Variants in PPARGC1A observed in about 807,000 individuals in gnomAD.
The protein encoded by PPARGC1A is PPARG coactivator 1 alpha, also known as peroxisome proliferator-activated receptor gamma coactivator 1-alpha.
A neutral mutation model predicts 88.7 loss-of-function variants in PPARGC1A; 25 were observed. The ratio of observed to expected loss-of-function variants is 0.28; its 90% confidence interval spans 0.21 to 0.39. The LOEUF is 0.39. Ranked by LOEUF, PPARGC1A falls within the 10% of genes least tolerant of loss-of-function variation. The pLI, the probability that PPARGC1A is intolerant of heterozygous loss-of-function variation, is 1.00. For missense variants in PPARGC1A, 880 were observed against 968.7 expected, an observed-to-expected ratio of 0.91 and a Z score of 1.22; for synonymous variants, 363 against 355.6, an observed-to-expected ratio of 1.02 and a Z score of -0.24.
chr4:23,987,297 A>C, the PPARGC1A span, among the ~76,000 whole-genome samples: 3 of 152,042 alleles, frequency 2.0e-5, no homozygotes, highest in African/African-American at 7.2e-5. Flanking sequence ...GCAAAAGGTG[A>C]TTTCTTTGTA....
the PPARGC1A span, among the ~76,000 whole-genome samples, chr4:24,004,599 A>T: frequency 7.9e-5 from 12 of 152,344 alleles, no homozygotes; most frequent in Non-Finnish European, 1.8e-4. Context: ...ATTTCCAAGG[A>T]TGTTCAGATA....
the PPARGC1A span, among the ~76,000 whole-genome samples, chr4:23,993,831 C>T: frequency 9.4e-4 from 143 of 152,136 alleles, no homozygotes; most frequent in Non-Finnish European, 1.0e-3. Context: ...TTTTCCTAAA[C>T]AGCACAGTAA....
the PPARGC1A span, among the ~76,000 whole-genome samples, chr4:24,381,599 T>C: frequency 1.3e-5 from 2 of 152,226 alleles, no homozygotes; most frequent in African/African-American, 4.8e-5. Flanking sequence ...ACAAAGTGTT[T>C]TGCTAGCACA....
intron 10 of PPARGC1A, among the ~76,000 whole-genome samples, chr4:23,812,327 T>C (rs1416855075): frequency 2.0e-5 from 3 of 151,930 alleles, no homozygotes; most frequent in African/African-American, 7.3e-5. Context: ...ACAATTTAAG[T>C]CTCCTGCCGG....
the PPARGC1A span, among the ~76,000 whole-genome samples, chr4:24,010,745 A>G: frequency 1.3e-5 from 2 of 152,218 alleles, no homozygotes; most frequent in African/African-American, 4.8e-5. Context: ...ATGGAGAACA[A>G]TAAGAACTTG....
At chr4:23,862,568 T>A (rs1470674988) in intron 2 of PPARGC1A, among the ~76,000 whole-genome samples, 1 of 152,220 alleles carries the variant, frequency 6.6e-6, no homozygotes, top group Non-Finnish European at 1.5e-5. Flanking sequence ...TTCCAAACTG[T>A]AAAATGAGGT....
At chr4:23,893,649 T>G (rs1176177508), upstream of PPARGC1A, among the ~76,000 whole-genome samples, 2 of 152,106 alleles carry the variant, frequency 1.3e-5, no homozygotes, top group Non-Finnish European at 2.9e-5. Flanking sequence ...CATAAAAAGG[T>G]GACCAAGAGC....
the PPARGC1A span, among the ~76,000 whole-genome samples, chr4:24,017,272 G>A: frequency 6.6e-6 from 1 of 152,174 alleles, no homozygotes; most frequent in African/African-American, 2.4e-5. Flanking sequence ...CAGGTAACCA[G>A]TTGTGACTTC....
At chr4:24,002,354 C>T in the PPARGC1A span, among the ~76,000 whole-genome samples, 2 of 152,100 alleles carry the variant, frequency 1.3e-5, no homozygotes, top group Non-Finnish European at 2.9e-5. Context: ...TCTCGATCTC[C>T]TGACCTCGAG....
At chr4:24,065,479 C>T in the PPARGC1A span, among the ~76,000 whole-genome samples, 1 of 152,182 alleles carries the variant, frequency 6.6e-6, no homozygotes, top group South Asian at 2.1e-4. Flanking sequence ...TTCGGCAATG[C>T]CTTCAGTGTG....
At chr4:24,233,827 T>C in the PPARGC1A span, among the ~76,000 whole-genome samples, 1 of 152,132 alleles carries the variant, frequency 6.6e-6, no homozygotes, top group African/African-American at 2.4e-5. Flanking sequence ...GGCAAATAAT[T>C]TGAAGAGGCA....
At chr4:24,364,311 C>T in the PPARGC1A span, among the ~76,000 whole-genome samples, 1,425 of 152,286 alleles carry the variant, frequency 9.4e-3, 14 homozygotes, top group Non-Finnish European at 0.014. Context: ...TGAATTAATA[C>T]ATGGCAAACA....
the PPARGC1A span, among the ~76,000 whole-genome samples, chr4:24,292,726 C>T: frequency 4.9e-5 from 2 of 40,924 alleles, no homozygotes. Context: ...CCCACCCCTT[C>T]CTGTGCTCCT....
the PPARGC1A span, among the ~76,000 whole-genome samples, chr4:24,169,336 G>A: frequency 6.6e-6 from 1 of 152,104 alleles, no homozygotes; most frequent in African/African-American, 2.4e-5. Context: ...GGTCCTGGAT[G>A]GGATCCCAGA....
chr4:24,280,568 GA>G, the PPARGC1A span, among the ~76,000 whole-genome samples: 2 of 152,046 alleles, frequency 1.3e-5, no homozygotes, highest in East Asian at 3.9e-4. Context: ...AGAGAGGAAA[GA>G]AAAAAACTTC....
At chr4:23,824,833 C>T (rs754850629) in intron 5 of PPARGC1A, among the ~76,000 whole-genome samples, 3 of 152,028 alleles carry the variant, frequency 2.0e-5, no homozygotes, top group African/African-American at 4.8e-5. Context: ...ATACAGTACA[C>T]GGTTTGTTTA....
the PPARGC1A span, among the ~76,000 whole-genome samples, chr4:23,910,797 A>C: frequency 8.2e-6 from 1 of 121,678 alleles, no homozygotes; most frequent in Non-Finnish European, 1.7e-5. Flanking sequence ...TATCTTATGA[A>C]ATGTCAACTA....
upstream of PPARGC1A, among the ~76,000 whole-genome samples, chr4:23,908,507 T>C (rs1172905836): frequency 2.4e-5 from 2 of 84,060 alleles, no homozygotes; most frequent in African/African-American, 1.4e-4. Flanking sequence ...ATAAGGAGAA[T>C]AGGGAACAGG....
chr4:24,333,940 C>CAAA, the PPARGC1A span, among the ~76,000 whole-genome samples: 27 of 13,830 alleles, frequency 2.0e-3, no homozygotes, highest in African/African-American at 5.2e-3. Context: ...ACAACAACAA[C>CAAA]AAAAAAAAAA....
Sources: gnomAD v4.1 joint callset for allele counts (sites outside exome capture counted in the v4.1 genomes callset) on GRCh38, gnomAD v4.1.1 for gene constraint, MANE v1.5 for transcripts, NCBI Gene and HGNC (gene_info 2026-07-23, HGNC 2026-07-21) for gene names.